Variants in NNT observed in about 807,000 individuals in gnomAD.
NNT encodes NAD(P) transhydrogenase, mitochondrial.
In NNT, 50 loss-of-function variants were observed where a neutral mutation model predicts 104.8. That is an observed-to-expected ratio of 0.48 (90% CI 0.38 to 0.60). The LOEUF (loss-of-function observed/expected upper bound fraction) is 0.60, where lower values mean the gene tolerates loss of function less well. Ranked by LOEUF, NNT falls within the 20% of genes least tolerant of loss-of-function variation. The pLI, the probability that NNT is intolerant of heterozygous loss-of-function variation, is 0.00. For missense variants in NNT, 1,131 were observed against 1,330.7 expected (o/e 0.85, Z 2.33); for synonymous variants, 461 against 490.4 (o/e 0.94, Z 0.79).
upstream of NNT, chr5:43,602,892 TTTGA>T (rs1385747687): frequency 6.6e-6 from 1 of 152,632 alleles, no homozygotes; most frequent in Admixed American, 6.5e-5. Context: ...TGGCACCAGG[TTTGA>T]TTGACAAGGA....
chr5:43,611,059 C>G (rs372531420), intron 2 of NNT, among the ~76,000 whole-genome samples: 3 of 151,552 alleles, frequency 2.0e-5, no homozygotes, highest in South Asian at 2.1e-4. Context: ...TTGCTTCTTT[C>G]CTTCCTTCTT....
intron 17 of NNT, among the ~76,000 whole-genome samples, chr5:43,674,372 T>C (rs780799890): frequency 6.6e-6 from 1 of 152,168 alleles, no homozygotes; most frequent in African/African-American, 2.4e-5. Flanking sequence ...TGAGCCATCA[T>C]TGTGTGGGGT....
chr5:43,636,513 G>A (rs1051785725), intron 7 of NNT, among the ~76,000 whole-genome samples: 13 of 152,124 alleles, frequency 8.5e-5, no homozygotes, highest in African/African-American at 2.9e-4. Flanking sequence ...GTTGAAAGAC[G>A]TGAGAAAGAA....
At chr5:43,654,748 A>G (rs1172177158) in intron 14 of NNT, among the ~76,000 whole-genome samples, 2 of 152,216 alleles carry the variant, frequency 1.3e-5, no homozygotes, top group Non-Finnish European at 2.9e-5. Context: ...GTTAAAGCTC[A>G]TGTATTTGTA....
intron 17 of NNT, among the ~76,000 whole-genome samples, chr5:43,668,424 A>G (rs946540739): frequency 1.3e-5 from 2 of 152,128 alleles, no homozygotes; most frequent in African/African-American, 4.8e-5. Flanking sequence ...TCTAACATTT[A>G]AGTCTTTAAT....
chr5:43,665,886 G>A (rs1490186500), intron 17 of NNT, among the ~76,000 whole-genome samples: 4 of 151,654 alleles, frequency 2.6e-5, no homozygotes, highest in South Asian at 2.1e-4. Flanking sequence ...GGCGGCTGCC[G>A]GGCGGAGATG....
At chr5:43,688,411 T>A (rs897442261) in intron 19 of NNT, among the ~76,000 whole-genome samples, 2 of 152,164 alleles carry the variant, frequency 1.3e-5, no homozygotes, top group Non-Finnish European at 1.5e-5. Context: ...AAGGAATTTT[T>A]AAAATTTTTT....
At chr5:43,660,061 T>C (rs549971492) in intron 17 of NNT, among the ~76,000 whole-genome samples, 1 of 152,366 alleles carries the variant, frequency 6.6e-6, no homozygotes, top group African/African-American at 2.4e-5. Context: ...GACTTTATCG[T>C]GATCCATCAT....
chr5:43,667,432 G>A (rs996990162), intron 17 of NNT, among the ~76,000 whole-genome samples: 6 of 150,352 alleles, frequency 4.0e-5, no homozygotes, highest in Non-Finnish European at 5.9e-5. Flanking sequence ...CCCACCCCAC[G>A]ACAGGCCCTG....
At chr5:43,615,038 G>A (rs1749707311) in intron 3 of NNT, among the ~76,000 whole-genome samples, 1 of 151,978 alleles carries the variant, frequency 6.6e-6, no homozygotes, top group South Asian at 2.1e-4. Context: ...TCGGGAGGCT[G>A]AGGCAGGAGA....
At chr5:43,674,208 G>A (rs1741285086) in intron 17 of NNT, among the ~76,000 whole-genome samples, 1 of 152,094 alleles carries the variant, frequency 6.6e-6, no homozygotes, top group African/African-American at 2.4e-5. Flanking sequence ...TTACAATTCT[G>A]GCAACATTTT....
At chr5:43,667,515 G>T (rs1740777696) in intron 17 of NNT, among the ~76,000 whole-genome samples, 2 of 152,102 alleles carry the variant, frequency 1.3e-5, no homozygotes, top group Admixed American at 1.3e-4. Context: ...AGAACATGCA[G>T]TGTTTGGTTT....
chr5:43,704,141 A>G (rs1261568908), intron 21 of NNT, 114 bp from the exon 22 acceptor site: 12 of 803,888 alleles, frequency 1.5e-5, no homozygotes, highest in Non-Finnish European at 2.2e-5. Flanking sequence ...TGCACTAAAG[A>G]ATTAGTAGTG....
chr5:43,656,402 C>T (rs1740048719), intron 15 of NNT, among the ~76,000 whole-genome samples: 1 of 152,124 alleles, frequency 6.6e-6, no homozygotes, highest in Non-Finnish European at 1.5e-5. Flanking sequence ...TTCCCCTCAT[C>T]CTTCCCCTTT....
At chr5:43,663,479 G>A (rs62367649) in intron 17 of NNT, among the ~76,000 whole-genome samples, 5,143 of 152,262 alleles carry the variant, frequency 0.034, 136 homozygotes, top group East Asian at 0.12. Flanking sequence ...CGATTTTGAA[G>A]ATGGAAATTA....
chr5:43,675,240 A>AT (rs1279275348), intron 17 of NNT, among the ~76,000 whole-genome samples: 1 of 151,956 alleles, frequency 6.6e-6, no homozygotes, highest in Non-Finnish European at 1.5e-5. Flanking sequence ...TTTATTGATA[A>AT]TTTTTTCTTG....
intron 19 of NNT, among the ~76,000 whole-genome samples, chr5:43,693,879 A>T (rs1742418019): frequency 6.6e-6 from 1 of 152,216 alleles, no homozygotes; most frequent in South Asian, 2.1e-4. Flanking sequence ...TCAACAACCC[A>T]CTGAAGGAAG....
At chr5:43,683,363 T>C (rs1052045402) in intron 19 of NNT, among the ~76,000 whole-genome samples, 1 of 152,218 alleles carries the variant, frequency 6.6e-6, no homozygotes, top group Non-Finnish European at 1.5e-5. Context: ...CCACAGCATA[T>C]TGGTATGGTG....
chr5:43,693,826 A>T (rs1189277736), intron 19 of NNT, among the ~76,000 whole-genome samples: 1 of 152,240 alleles, frequency 6.6e-6, no homozygotes, highest in Non-Finnish European at 1.5e-5. Flanking sequence ...ACCACCTAAA[A>T]CTAATGAATG....
Sources: gnomAD v4.1 joint callset for allele counts (sites outside exome capture counted in the v4.1 genomes callset) on GRCh38, gnomAD v4.1.1 for gene constraint, MANE v1.5 for transcripts, NCBI Gene and HGNC (gene_info 2026-07-23, HGNC 2026-07-21) for gene names.